MET: variants seen among roughly 807,000 people sequenced by gnomAD.
MET encodes hepatocyte growth factor receptor.
Under a neutral mutation model 133.1 loss-of-function variants are expected in MET, and 48 were observed. That is an observed-to-expected ratio of 0.36 (90% CI 0.29 to 0.46). MET has a LOEUF of 0.46. Ranked by LOEUF, MET falls within the 20% of genes least tolerant of loss-of-function variation. MET has a pLI of 1.00. For missense variants in MET, 1,442 were observed against 1,695.9 expected (o/e 0.85, Z 2.63); for synonymous variants, 628 against 616.5 (o/e 1.02, Z -0.28).
At chr7:116,774,613 A>T (rs568561864) in intron 14 of MET, among the ~76,000 whole-genome samples, 1 of 152,352 alleles carries the variant, frequency 6.6e-6, no homozygotes, top group Admixed American at 6.5e-5. Context: ...TATATTCAAA[A>T]ATAAACCATA....
rs45607832 is a variant in MET, at chr7:116,771,870, G to A, written c.2909G>A (p.Arg970His). Reference protein sequence around the residue: ...QIKDLGSELVRYDARVHTPHL... With the variant: ...QIKDLGSELVHYDARVHTPHL... ...TAAGATCTGGGCAGTGAATTAGTTC[G>A]CTACGATGCAAGAGTACACACTCCT... is the stretch of plus-strand genomic sequence containing the variant. The change falls in exon 14 of 21, where the codon CGC (arginine) becomes CAC (histidine). Residue 970 changes from arginine to histidine, a missense_variant. Arg to His is a conservative substitution (Grantham distance 29). Around this residue, in one of 6 missense-constraint regions of MET, gnomAD observed 514 missense variants for 659.6 expected, o/e 0.78. Transcript: ENST00000397752. 25 of 1,613,616 alleles carry A rather than the reference G, an allele frequency of 1.5e-5. No homozygotes were observed. Among genetic ancestry groups the A allele is most frequent in the African/African-American group, 5.3e-5 (4 of 74,858 alleles).
intron 2 of MET, among the ~76,000 whole-genome samples, chr7:116,712,050 T>C (rs1792022336): frequency 6.6e-6 from 1 of 152,160 alleles, no homozygotes; most frequent in South Asian, 2.1e-4. Flanking sequence ...TGTTATGAGA[T>C]GGTTCAAGCA....
At chr7:116,718,430 A>G (rs1020106969) in intron 2 of MET, among the ~76,000 whole-genome samples, 2 of 152,074 alleles carry the variant, frequency 1.3e-5, no homozygotes, top group Non-Finnish European at 2.9e-5. Flanking sequence ...TAAATAAAAT[A>G]AATAATAAAA....
At chr7:116,749,628 CAAAT>C (rs1347035704) in intron 5 of MET, among the ~76,000 whole-genome samples, 2 of 152,022 alleles carry the variant, frequency 1.3e-5, no homozygotes, top group Non-Finnish European at 2.9e-5. Context: ...GCAGGGGAAA[CAAAT>C]AAAGGGTATT....
intron 5 of MET, among the ~76,000 whole-genome samples, chr7:116,753,667 T>C (rs1156914826): frequency 6.6e-6 from 1 of 152,216 alleles, no homozygotes; most frequent in Non-Finnish European, 1.5e-5. Flanking sequence ...GAAAAATTGT[T>C]ACAATACTGA....
chr7:116,716,913 C>T (rs542109808), intron 2 of MET, among the ~76,000 whole-genome samples: 8 of 152,340 alleles, frequency 5.3e-5, no homozygotes, highest in Admixed American at 3.9e-4. Context: ...AGAGCATGCC[C>T]TCTCTGGCTA....
At position 116,711,830 on chromosome 7, in the gene MET, C is replaced by T. The variant is rs545965765; in HGVS notation, c.1200+11546C>T. Among the ~76,000 whole-genome samples the T allele has an allele frequency of 4.6e-5, 7 of 152,152 alleles. No homozygotes were observed. In the South Asian group the frequency reaches 1.5e-3, roughly 32 times the overall value. On this transcript the variant is annotated intron_variant, in intron 2 of 20. Coordinates refer to ENST00000397752, the MANE Select transcript of MET (RefSeq NM_000245.4). The stretch of plus-strand genomic sequence containing the variant: ...TATTTAAGGAGTTTCTGTCCTTGGC[C>T]CTGACTATTTCCTGGTCCTCCTTCA...
At chr7:116,751,847 G>C (rs1010587853) in intron 5 of MET, among the ~76,000 whole-genome samples, 1 of 152,096 alleles carries the variant, frequency 6.6e-6, no homozygotes, top group Non-Finnish European at 1.5e-5. Context: ...AGATCACGAG[G>C]TCAGGAGATC....
chr7:116,693,990 G>T (rs2896191), intron 1 of MET, among the ~76,000 whole-genome samples: 4,026 of 152,276 alleles, frequency 0.026, 139 homozygotes, highest in East Asian at 0.07. Context: ...AGACTTACTT[G>T]CCTAAGGTAA....
chr7:116,757,082 T>A (rs906310174), intron 6 of MET, among the ~76,000 whole-genome samples: 39 of 148,936 alleles, frequency 2.6e-4, no homozygotes, highest in East Asian at 7.9e-4. Flanking sequence ...AAAAAAAAAA[T>A]TTTTTTTTAA....
At chr7:116,714,142 A>G (rs948101299) in intron 2 of MET, among the ~76,000 whole-genome samples, 4 of 152,226 alleles carry the variant, frequency 2.6e-5, no homozygotes, top group African/African-American at 9.6e-5. Context: ...AAGGCTGCTA[A>G]CCAAAAACAC....
rs552454472 is a variant in MET at position 116,709,955 on chromosome 7, G to A, written c.1200+9671G>A. ...GAATAAAGAAGAGGAATTTCTAATA[G>A]GGCATAATCTAACTGATAATTTGTT... On this transcript the variant is annotated intron_variant, in intron 2 of 20. Coordinates refer to ENST00000397752, the MANE Select transcript of MET (RefSeq NM_000245.4). Among the ~76,000 whole-genome samples, 6 of 152,228 alleles carry A rather than the reference G, an allele frequency of 3.9e-5. No homozygotes were observed. In the East Asian group the frequency reaches 1.2e-3, roughly 29 times the overall value.
At position 116,796,752 on chromosome 7, in the gene MET, G is replaced by A. The variant is rs1210977485; in HGVS notation, c.*628G>A. ...CCAGGCTCAAGCCTCCCGAATAGCT[G>A]GGACTACAGGCGCACACCACCATCC... On this transcript the variant is annotated 3_prime_UTR_variant, in exon 21 of 21. Transcript: ENST00000397752. The A allele has an allele frequency of 5.1e-6, 1 of 195,842 alleles. No individual in the cohort carries two copies. The highest frequency in any genetic ancestry group is 8.1e-5 in the East Asian group (1 of 12,324). 12.1% of individuals were successfully genotyped at this position (195,842 alleles called of 1,614,324 possible). A position where few individuals can be genotyped will look rare whatever the true frequency, so the allele number is the denominator to read the frequency against.
At chr7:116,692,421 A>T (rs1796808304) in intron 1 of MET, among the ~76,000 whole-genome samples, 1 of 152,200 alleles carries the variant, frequency 6.6e-6, no homozygotes, top group African/African-American at 2.4e-5. Context: ...TTTCCTGAGG[A>T]ATCGGTGTTT....
intron 2 of MET, among the ~76,000 whole-genome samples, chr7:116,716,530 A>T (rs1792244459): frequency 6.7e-6 from 1 of 148,340 alleles, no homozygotes; most frequent in Admixed American, 6.7e-5. Flanking sequence ...AGAAAGAAAG[A>T]AAGAAAGAAG....
In MET at chr7:116,778,948, T is replaced by C; in HGVS notation, c.3513T>C (p.Asn1171=). The C allele has an allele frequency of 1.2e-6, 2 of 1,613,716 alleles. No homozygotes were observed. The highest frequency in any genetic ancestry group is 1.7e-6 in the Non-Finnish European group (2 of 1,179,860). ...GAGATCTTCGAAATTTCATTCGAAA[T>C]GAGACTCATGTAAGTTGACTGCCAA... The part of the protein sequence containing the change: ...KHGDLRNFIR[N]ETHNPTVKDL... The change falls in exon 17 of 21, where the codon AAT becomes AAC. Residue 1171 remains asparagine, a synonymous_variant. Coordinates refer to ENST00000397752, the MANE Select transcript of MET (RefSeq NM_000245.4).
chr7:116,683,673 G>C (rs947252044), intron 1 of MET, among the ~76,000 whole-genome samples: 1 of 152,138 alleles, frequency 6.6e-6, no homozygotes, highest in African/African-American at 2.4e-5. Flanking sequence ...GCCCAAGAAA[G>C]TGTCCTCATT....
At chr7:116,725,463 T>C (rs113656359) in intron 2 of MET, among the ~76,000 whole-genome samples, 1,928 of 118,286 alleles carry the variant, frequency 0.016, 19 homozygotes, top group Non-Finnish European at 0.023. Flanking sequence ...TCTTATGATA[T>C]ACATATATAT....
At chr7:116,708,917 C>T (rs1199249051) in intron 2 of MET, among the ~76,000 whole-genome samples, 1 of 152,130 alleles carries the variant, frequency 6.6e-6, no homozygotes, top group African/African-American at 2.4e-5. Flanking sequence ...TTGAAACTAT[C>T]AAAATTATAA....
Sources: gnomAD v4.1 joint callset for allele counts (sites outside exome capture counted in the v4.1 genomes callset) on GRCh38, gnomAD v4.1.1 for gene constraint, gnomAD v4.1.1 regional missense constraint, MANE v1.5 for transcripts, NCBI Gene and HGNC (gene_info 2026-07-23, HGNC 2026-07-21) for gene names.